The following RFX2 variants were observed in gnomAD, a reference collection of about 807,000 sequenced individuals.
The protein encoded by RFX2 is DNA-binding protein RFX2.
A neutral mutation model predicts 87.8 loss-of-function variants in RFX2; 20 were observed. The ratio of observed to expected loss-of-function variants is 0.23; its 90% confidence interval spans 0.16 to 0.33. The LOEUF is 0.33. RFX2 is among the 10% of genes least tolerant of loss of function. The pLI, the probability that RFX2 is intolerant of heterozygous loss-of-function variation, is 1.00. For missense variants in RFX2, 767 were observed against 1,012.3 expected (o/e 0.76, Z 3.29); for synonymous variants, 397 against 431.3 (o/e 0.92, Z 0.98).
intron 1 of RFX2, among the ~76,000 whole-genome samples, chr19:6,075,614 C>T (rs2087681132): frequency 6.6e-6 from 1 of 152,152 alleles, no homozygotes; most frequent in Admixed American, 6.5e-5. Flanking sequence ...GCCTGAGCAC[C>T]TAGAGAATGG....
chr19:6,033,615 CAAAAAAAAA>C (rs34581899), intron 5 of RFX2, among the ~76,000 whole-genome samples: 1 of 60,428 alleles, frequency 1.7e-5, no homozygotes, highest in African/African-American at 5.8e-5. Context: ...CCCACCTTTG[CAAAAAAAAA>C]AAAAAAAAAA....
rs1453236183 is a variant in RFX2 at position 6,045,937 on chromosome 19, T to A, written c.90+1470A>T. 6.6e-6 allele frequency among the ~76,000 whole-genome samples: 1 copy of A among 152,196 alleles called. No homozygotes were observed. Among genetic ancestry groups the A allele is most frequent in the African/African-American group, 2.4e-5 (1 of 41,460 alleles). ...CCTGACCTCAGGTGATCCACCCACC[T>A]TGGCCTCCCAAAGTGCTGGGATTAC... On this transcript the variant is annotated intron_variant, in intron 2 of 17. Transcript: ENST00000303657. This position sits in a 1 kb window ranked among gnomAD's most constrained non-coding sequence, Gnocchi z 5.2.
chr19:6,098,342 G>A (rs939301896), intron 1 of RFX2, among the ~76,000 whole-genome samples: 5 of 152,108 alleles, frequency 3.3e-5, no homozygotes, highest in African/African-American at 1.2e-4. Context: ...GGGAACTTGA[G>A]AAATGGGGGC....
chr19:6,032,422 G>A (rs1293206433), intron 5 of RFX2, among the ~76,000 whole-genome samples: 3 of 152,178 alleles, frequency 2.0e-5, no homozygotes, highest in Non-Finnish European at 2.9e-5. Context: ...GAGCTACTGC[G>A]CCTGGCCCAA....
At position 6,013,212 on chromosome 19, in the gene RFX2, A is replaced by C; in HGVS notation, c.780-107T>G. 8.3e-7 allele frequency: 1 copy of C among 1,199,596 alleles called. No individual in the cohort carries two copies. Among genetic ancestry groups the C allele is most frequent in the Non-Finnish European group, 1.1e-6 (1 of 888,758 alleles). 74.3% of individuals were successfully genotyped at this position (1,199,596 alleles called of 1,614,324 possible). A position where few individuals can be genotyped will look rare whatever the true frequency, so the allele number is the denominator to read the frequency against. On this transcript the variant is annotated intron_variant, in intron 7 of 17. Transcript: ENST00000303657. The surrounding 1 kb of genome is among the most constrained non-coding windows in gnomAD (Gnocchi z 4.1). ...TCTTCTTTTTTTTTTTTGAGACAGA[A>C]TCTCATTCTGTCGCCCAGGCTGGAG...
chr19:5,996,945 G>A (rs1024245572), intron 16 of RFX2, 115 bp downstream of exon 16: 27 of 1,089,848 alleles, frequency 2.5e-5, no homozygotes, highest in Middle Eastern at 2.8e-4. Flanking sequence ...AGCTCTGTCC[G>A]GGCGGCAGAG....
rs538816814 is a variant in RFX2 at position 6,063,149 on chromosome 19, G to T, written c.-8-15645C>A. 6.6e-6 allele frequency among the ~76,000 whole-genome samples: 1 copy of T among 152,204 alleles called. No homozygotes were observed. The highest frequency in any genetic ancestry group is 6.5e-5 in the Admixed American group (1 of 15,288). Reference sequence around the variant, plus strand: ...ACTTGGTTTGAAACTCTCCCCTGGCGCCTGCTCTGTGGGGAAAGCCGGGCT... The same window carrying T: ...ACTTGGTTTGAAACTCTCCCCTGGCTCCTGCTCTGTGGGGAAAGCCGGGCT... On this transcript the variant is annotated intron_variant, in intron 1 of 17. Transcript: ENST00000303657. The surrounding 1 kb of genome is among the most constrained non-coding windows in gnomAD (Gnocchi z 4.0).
Position 6,024,823 on chromosome 19 carries a change from C to G in RFX2, c.597+1340G>C, listed in dbSNP as rs994843989. ...ATCACGGTGAGGACGGGAGTGAGGA[C>G]GGGATCACGGTGAGGACGGGAGTGA... On this transcript the variant is annotated intron_variant, in intron 6 of 17. Transcript: ENST00000303657. The surrounding 1 kb of genome is among the most constrained non-coding windows in gnomAD (Gnocchi z 5.0). 3.0e-5 allele frequency among the ~76,000 whole-genome samples: 3 copies of G among 100,980 alleles called. No homozygotes were observed. Among genetic ancestry groups the G allele is most frequent in the Non-Finnish European group, 5.7e-5 (3 of 52,540 alleles). The allele number at this position is 100,980 out of a possible 152,430, so 66.2% of individuals were successfully genotyped here.
At chr19:6,073,029 C>G in intron 1 of RFX2, 1 of 508,180 alleles carries the variant, frequency 2.0e-6, no homozygotes, top group Non-Finnish European at 3.6e-6. Flanking sequence ...GTGCAGGCTG[C>G]AGTGCAGTGG....
Position 6,002,591 on chromosome 19 carries a change from G to T in RFX2, c.1650+130C>A. 1 of 1,144,106 alleles carries T rather than the reference G, an allele frequency of 8.7e-7. No individual in the cohort carries two copies. Among genetic ancestry groups the T allele is most frequent in the Non-Finnish European group, 1.3e-6 (1 of 794,656 alleles). The allele number at this position is 1,144,106 out of a possible 1,614,324, so 70.9% of individuals were successfully genotyped here. On this transcript the variant is annotated intron_variant, in intron 14 of 17. Transcript: ENST00000303657. This position sits in a 1 kb window ranked among gnomAD's most constrained non-coding sequence, Gnocchi z 6.7. ...GGGTGGGCTTTGGCCTGGGACCCGTGTCATGCAACAGAACCGTGGCCAGGC... is the reference window on the plus strand; with the variant it reads ...GGGTGGGCTTTGGCCTGGGACCCGTTTCATGCAACAGAACCGTGGCCAGGC...
intron 1 of RFX2, among the ~76,000 whole-genome samples, chr19:6,071,495 A>G (rs1440001449): frequency 6.6e-6 from 1 of 152,246 alleles, no homozygotes; most frequent in Non-Finnish European, 1.5e-5. Flanking sequence ...TGAAGAAATG[A>G]AAATGAAGCG....
rs2086657560 is a variant in RFX2 at position 6,011,356 on chromosome 19, G to C, written c.900-1105C>G. Among the ~76,000 whole-genome samples, 1 of 152,096 alleles carries C rather than the reference G, an allele frequency of 6.6e-6. No individual in the cohort carries two copies. On this transcript the variant is annotated intron_variant, in intron 8 of 17. Transcript: ENST00000303657. The surrounding 1 kb of genome is among the most constrained non-coding windows in gnomAD (Gnocchi z 4.8). Reference sequence around the variant, plus strand: ...TGTGGTGGGGGCAGGGAGGGAGCCGGCTTGAGCTGGAGCATCTCCAGCGGA... The same window carrying C: ...TGTGGTGGGGGCAGGGAGGGAGCCGCCTTGAGCTGGAGCATCTCCAGCGGA...
At chr19:6,055,909 G>A (rs1444474298) in intron 1 of RFX2, among the ~76,000 whole-genome samples, 1 of 152,162 alleles carries the variant, frequency 6.6e-6, no homozygotes, top group African/African-American at 2.4e-5. Context: ...AATTCACAAT[G>A]CATGGATGAA....
In RFX2 at chr19:5,993,379, C is replaced by G. The variant is rs1378705564; in HGVS notation, c.*1456G>C. 1.3e-5 allele frequency: 2 copies of G among 152,220 alleles called. No homozygotes were observed. Among genetic ancestry groups the G allele is most frequent in the African/African-American group, 2.4e-5 (1 of 41,442 alleles). The allele number at this position is 152,220 out of a possible 1,614,324, so 9.4% of individuals were successfully genotyped here. A position where few individuals can be genotyped will look rare whatever the true frequency, so the allele number is the denominator to read the frequency against. ...TTCTAAAGTGAGCACGCGTCTTTGT[C>G]TTCCTGCACCCCTCACTCTGGCGCA... On this transcript the variant is annotated 3_prime_UTR_variant, in exon 18 of 18. Coordinates refer to ENST00000303657, the MANE Select transcript of RFX2 (RefSeq NM_000635.4).
chr19:6,104,108 C>T (rs755669069), intron 1 of RFX2, among the ~76,000 whole-genome samples: 3 of 152,098 alleles, frequency 2.0e-5, no homozygotes, highest in Admixed American at 6.6e-5. Context: ...TTAACTCCTT[C>T]TCTGCTGTGC....
intron 1 of RFX2, among the ~76,000 whole-genome samples, chr19:6,081,272 G>A (rs1411152971): frequency 1.3e-5 from 2 of 152,196 alleles, no homozygotes; most frequent in South Asian, 2.1e-4. Flanking sequence ...ACTTTGGGAG[G>A]CCAAGGTGAG....
chr19:6,015,072 G>C (rs2144707239), intron 7 of RFX2, among the ~76,000 whole-genome samples: 1 of 152,332 alleles, frequency 6.6e-6, no homozygotes, highest in Middle Eastern at 3.4e-3. Context: ...TCTGTGGCCT[G>C]TGATGTCCCG....
intron 1 of RFX2, among the ~76,000 whole-genome samples, chr19:6,108,807 G>A (rs1031091221): frequency 6.6e-6 from 1 of 152,162 alleles, no homozygotes; most frequent in African/African-American, 2.4e-5. Context: ...ATAGGAAGAT[G>A]AACCGCGCCG....
chr19:6,004,305 G>C lies in RFX2; in HGVS notation c.1403-7C>G, dbSNP rs752472060. 8 of 1,610,288 alleles carry C rather than the reference G, an allele frequency of 5.0e-6. No homozygotes were observed. Among genetic ancestry groups the C allele is most frequent in the Non-Finnish European group, 6.8e-6 (8 of 1,176,644 alleles). On this transcript the variant is annotated splice_region_variant and splice_polypyrimidine_tract_variant and intron_variant, in intron 12 of 17. Coordinates refer to ENST00000303657, the MANE Select transcript of RFX2 (RefSeq NM_000635.4). This position sits in a 1 kb window ranked among gnomAD's most constrained non-coding sequence, Gnocchi z 4.8. ...ATGGCCTGTGTCAAGGTACCTGGGGGATACAGACCATGATATTACCAGGGA... is the reference window on the plus strand; with the variant it reads ...ATGGCCTGTGTCAAGGTACCTGGGGCATACAGACCATGATATTACCAGGGA...
Sources: gnomAD v4.1 joint callset for allele counts (sites outside exome capture counted in the v4.1 genomes callset) on GRCh38, gnomAD v4.1.1 for gene constraint, Gnocchi (gnomAD v3.1) non-coding constraint, MANE v1.5 for transcripts, NCBI Gene and HGNC (gene_info 2026-07-23, HGNC 2026-07-21) for gene names.